Variants in SPIDR observed in about 807,000 individuals in gnomAD.
SPIDR encodes DNA repair-scaffolding protein.
SPIDR carries 93 observed loss-of-function variants against 104.6 expected under a neutral mutation model. The observed-to-expected ratio is 0.89, with a 90% CI of 0.75 to 1.06. SPIDR has a LOEUF of 1.06. Ranked by LOEUF, SPIDR falls within the 50% of genes least tolerant of loss-of-function variation. The probability of loss-of-function intolerance (pLI) is 0.00; values close to 1 mark genes in which losing one functional copy is unlikely to be tolerated. For missense variants in SPIDR, 1,154 were observed against 1,111.2 expected (o/e 1.04, Z -0.55); for synonymous variants, 431 against 416.9 (o/e 1.03, Z -0.41).
chr8:47,365,480 C>G (rs964433078), intron 5 of SPIDR, among the ~76,000 whole-genome samples: 1 of 152,168 alleles, frequency 6.6e-6, no homozygotes, highest in African/African-American at 2.4e-5. Context: ...TTTTTAACCC[C>G]CATGGTGTGC....
At chr8:47,271,726 G>A (rs2035363508) in intron 1 of SPIDR, among the ~76,000 whole-genome samples, 1 of 151,886 alleles carries the variant, frequency 6.6e-6, no homozygotes, top group South Asian at 2.1e-4. Context: ...CTCCTCTCAG[G>A]GACATTTTCT....
At chr8:47,399,407 T>C (rs538738581) in intron 6 of SPIDR, among the ~76,000 whole-genome samples, 261 of 152,308 alleles carry the variant, frequency 1.7e-3, no homozygotes, top group African/African-American at 5.0e-3. Flanking sequence ...TACAGGCACA[T>C]GTATCTGGCT....
intron 7 of SPIDR, among the ~76,000 whole-genome samples, chr8:47,421,305 A>G (rs533317648): frequency 1.8e-4 from 27 of 152,174 alleles, no homozygotes; most frequent in African/African-American, 6.3e-4. Context: ...GGCTTTGTTC[A>G]TTTCTTTTAA....
At chr8:47,402,589 A>T (rs2062059552) in intron 6 of SPIDR, among the ~76,000 whole-genome samples, 1 of 152,220 alleles carries the variant, frequency 6.6e-6, no homozygotes, top group Non-Finnish European at 1.5e-5. Flanking sequence ...ACGCAAATAA[A>T]CTAGAAAATC....
chr8:47,381,346 A>C (rs1432599384), intron 5 of SPIDR, among the ~76,000 whole-genome samples: 1 of 152,214 alleles, frequency 6.6e-6, no homozygotes, highest in East Asian at 1.9e-4. Flanking sequence ...CTCAGTGTGA[A>C]GAGCAGTCTT....
Position 47,260,978 on chromosome 8 carries a change from C to G in SPIDR, c.20C>G (p.Ala7Gly). ...CCGGAGATGCCCCGCGGCAGCCGCG[C>G]TCGGGGCTCTAAGGTAGGCTCTGGG... Reference protein sequence around the residue: MPRGSRARGSKRKRSWN... With the variant: MPRGSRGRGSKRKRSWN... Residue 7 changes from alanine to glycine, a missense_variant, in exon 1 of 20, where the codon GCT (alanine) becomes GGT (glycine). By Grantham distance (60) the Ala-to-Gly change is moderately conservative. Coordinates refer to ENST00000297423, the MANE Select transcript of SPIDR (RefSeq NM_001080394.4). 7 of 1,230,490 alleles carry G rather than the reference C, an allele frequency of 5.7e-6. No individual in the cohort carries two copies. The highest frequency in any genetic ancestry group is 7.1e-6 in the Non-Finnish European group (7 of 986,894). The allele number at this position is 1,230,490 out of a possible 1,614,324, so 76.2% of individuals were successfully genotyped here. A position where few individuals can be genotyped will look rare whatever the true frequency, so the allele number is the denominator to read the frequency against.
At chr8:47,473,055 G>T (rs1333486809) in intron 8 of SPIDR, among the ~76,000 whole-genome samples, 1 of 152,208 alleles carries the variant, frequency 6.6e-6, no homozygotes, top group Non-Finnish European at 1.5e-5. Context: ...GCCAGCCCCT[G>T]CACTCTCTCC....
intron 8 of SPIDR, among the ~76,000 whole-genome samples, chr8:47,556,483 C>T (rs888519027): frequency 6.6e-6 from 1 of 152,194 alleles, no homozygotes; most frequent in African/African-American, 2.4e-5. Flanking sequence ...TAGCCAGCAA[C>T]CTATAATGCC....
At chr8:47,292,527 A>G (rs1476650009) in intron 4 of SPIDR, among the ~76,000 whole-genome samples, 3 of 152,156 alleles carry the variant, frequency 2.0e-5, no homozygotes, top group African/African-American at 7.2e-5. Flanking sequence ...GGGATTACAC[A>G]TGTGAGCTGT....
intron 5 of SPIDR, among the ~76,000 whole-genome samples, chr8:47,373,502 T>A (rs1331766508): frequency 1.3e-5 from 2 of 151,970 alleles, no homozygotes; most frequent in African/African-American, 2.4e-5. Context: ...CTTTTTTTTT[T>A]AATTTTTATT....
chr8:47,331,136 A>G (rs2048601930), intron 5 of SPIDR, among the ~76,000 whole-genome samples: 1 of 152,158 alleles, frequency 6.6e-6, no homozygotes, highest in East Asian at 1.9e-4. Context: ...CTTATTTGCC[A>G]TCTGTATCTG....
intron 8 of SPIDR, among the ~76,000 whole-genome samples, chr8:47,447,179 C>T (rs1170379954): frequency 6.6e-6 from 1 of 152,114 alleles, no homozygotes; most frequent in African/African-American, 2.4e-5. Flanking sequence ...GGAGTTGGTT[C>T]TTATGAATGA....
chr8:47,630,481 A>G (rs1229276814), intron 10 of SPIDR, among the ~76,000 whole-genome samples: 1 of 152,162 alleles, frequency 6.6e-6, no homozygotes, highest in Non-Finnish European at 1.5e-5. Context: ...AATATACTTT[A>G]TATACATTGT....
intron 9 of SPIDR, 37 bp from the exon 10 acceptor site, chr8:47,598,909 G>C: frequency 6.2e-7 from 1 of 1,609,134 alleles, no homozygotes; most frequent in South Asian, 1.1e-5. Flanking sequence ...GAAACTTTGT[G>C]AGTCTTGAAA....
intron 16 of SPIDR, among the ~76,000 whole-genome samples, chr8:47,722,709 T>C (rs1452159667): frequency 2.0e-5 from 3 of 152,236 alleles, no homozygotes; most frequent in Non-Finnish European, 2.9e-5. Flanking sequence ...AATCATTCTA[T>C]ACAAGTTGAG....
At chr8:47,368,908 G>A (rs1194028711) in intron 5 of SPIDR, among the ~76,000 whole-genome samples, 1 of 152,188 alleles carries the variant, frequency 6.6e-6, no homozygotes, top group African/African-American at 2.4e-5. Context: ...GCTGGAAACA[G>A]CTTCTATCAG....
intron 8 of SPIDR, among the ~76,000 whole-genome samples, chr8:47,519,030 T>C (rs2083598396): frequency 1.3e-5 from 2 of 152,206 alleles, no homozygotes; most frequent in South Asian, 2.1e-4. Context: ...AAGATTCCTG[T>C]AAAGAACTAT....
At chr8:47,667,109 C>A (rs1195987055) in intron 10 of SPIDR, among the ~76,000 whole-genome samples, 1 of 151,776 alleles carries the variant, frequency 6.6e-6, no homozygotes, top group South Asian at 2.1e-4. Context: ...GGTGAAACCC[C>A]GTCTCTATTA....
intron 10 of SPIDR, among the ~76,000 whole-genome samples, chr8:47,672,633 G>A (rs531201296): frequency 5.3e-5 from 8 of 151,964 alleles, no homozygotes; most frequent in Non-Finnish European, 7.4e-5. Flanking sequence ...GTAGTTTCTT[G>A]TCTCCTATTC....
Sources: gnomAD v4.1 joint callset for allele counts (sites outside exome capture counted in the v4.1 genomes callset) on GRCh38, gnomAD v4.1.1 for gene constraint, MANE v1.5 for transcripts, NCBI Gene and HGNC (gene_info 2026-07-23, HGNC 2026-07-21) for gene names.